The following ATXN1 variants were observed in gnomAD, a reference collection of about 807,000 sequenced individuals.
The protein encoded by ATXN1 is ataxin-1.
A neutral mutation model predicts 56.4 loss-of-function variants in ATXN1; 8 were observed. The ratio of observed to expected loss-of-function variants is 0.14; its 90% CI spans 0.08 to 0.26. ATXN1 has a LOEUF of 0.26. ATXN1 is among the 10% of genes least tolerant of loss of function. The pLI is 1.00. For synonymous variants in ATXN1, 514 were observed against 494.6 expected (o/e 1.04, Z -0.52); for missense variants, 987 against 1,106.5 (o/e 0.89, Z 1.53).
chr6:16,447,006 C>G (rs1759649851), intron 6 of ATXN1, among the ~76,000 whole-genome samples: 1 of 152,164 alleles, frequency 6.6e-6, no homozygotes, highest in South Asian at 2.1e-4. Flanking sequence ...TACAACTATT[C>G]CTAGACTCAC....
intron 7 of ATXN1, among the ~76,000 whole-genome samples, chr6:16,322,561 T>G (rs1215075275): frequency 6.6e-6 from 1 of 152,220 alleles, no homozygotes; most frequent in Non-Finnish European, 1.5e-5. Context: ...CTCAACAATT[T>G]GCACATTTCT....
At chr6:16,590,763 G>C (rs937251115) in intron 3 of ATXN1, among the ~76,000 whole-genome samples, 1 of 151,622 alleles carries the variant, frequency 6.6e-6, no homozygotes, top group Non-Finnish European at 1.5e-5. Context: ...TCAACCTCTC[G>C]GGCTCAGGTG....
intron 4 of ATXN1, among the ~76,000 whole-genome samples, chr6:16,532,680 C>T (rs1761527961): frequency 6.6e-6 from 1 of 152,084 alleles, no homozygotes; most frequent in Non-Finnish European, 1.5e-5. Flanking sequence ...ATTTCACTCA[C>T]ATTAAGATGG....
intron 6 of ATXN1, among the ~76,000 whole-genome samples, chr6:16,472,672 TG>T (rs1435547418): frequency 2.0e-5 from 3 of 152,210 alleles, no homozygotes; most frequent in Non-Finnish European, 4.4e-5. Flanking sequence ...ATGTCAAAAA[TG>T]CTTGCCATGG....
At chr6:16,654,379 A>C (rs1295408236) in intron 3 of ATXN1, among the ~76,000 whole-genome samples, 3 of 152,054 alleles carry the variant, frequency 2.0e-5, no homozygotes, top group Non-Finnish European at 4.4e-5. Flanking sequence ...CCCCATTTCT[A>C]CTAAAAATAG....
intron 3 of ATXN1, among the ~76,000 whole-genome samples, chr6:16,634,425 A>G (rs187139603): frequency 4.7e-4 from 72 of 152,334 alleles, no homozygotes; most frequent in Non-Finnish European, 7.6e-4. Context: ...TTTTAAAAAA[A>G]CAGCTTTATT....
At chr6:16,702,244 C>A (rs988058423) in intron 2 of ATXN1, among the ~76,000 whole-genome samples, 5 of 152,194 alleles carry the variant, frequency 3.3e-5, no homozygotes, top group Non-Finnish European at 7.4e-5. Flanking sequence ...AAAGGATTCC[C>A]TATTTAATAA....
intron 6 of ATXN1, among the ~76,000 whole-genome samples, chr6:16,432,059 T>C (rs542893767): frequency 1.6e-4 from 24 of 152,284 alleles, no homozygotes; most frequent in Non-Finnish European, 2.8e-4. Context: ...AAATACCAAA[T>C]GGTACTAATA....
At chr6:16,400,622 C>T (rs1472275224) in intron 6 of ATXN1, among the ~76,000 whole-genome samples, 2 of 152,250 alleles carry the variant, frequency 1.3e-5, no homozygotes, top group Non-Finnish European at 2.9e-5. Flanking sequence ...TGGCAACAAC[C>T]ACATTCCCCT....
At chr6:16,443,901 G>A (rs1021944658) in intron 6 of ATXN1, among the ~76,000 whole-genome samples, 1 of 152,122 alleles carries the variant, frequency 6.6e-6, no homozygotes, top group African/African-American at 2.4e-5. Flanking sequence ...CCGATCACAA[G>A]GTCAGGAGAT....
At chr6:16,600,298 A>G (rs1264336304) in intron 3 of ATXN1, among the ~76,000 whole-genome samples, 2 of 152,226 alleles carry the variant, frequency 1.3e-5, no homozygotes, top group East Asian at 3.8e-4. Context: ...AGCCAAAGGA[A>G]ATGATTTTGG....
At chr6:16,630,116 G>T (rs1374352375) in intron 3 of ATXN1, among the ~76,000 whole-genome samples, 1 of 152,088 alleles carries the variant, frequency 6.6e-6, no homozygotes, top group Non-Finnish European at 1.5e-5. Flanking sequence ...CACAAAGCTA[G>T]AATGGGTCTG....
chr6:16,326,889 G>A lies in ATXN1; in HGVS notation c.1422C>T (p.Tyr474=), dbSNP rs775232036. The A allele has an allele frequency of 2.5e-5, 41 of 1,612,398 alleles. No homozygotes were observed. The highest frequency in any genetic ancestry group is 1.0e-4 in the Admixed American group (6 of 59,992). The part of the protein sequence containing the change: ...YLSGQQQAIT[Y]AGSLPQHLVI... ...CCAGGTGCTGGGGCAGGCTGCCGGCGTAGGTGATTGCTTGCTGCTGGCCGC... is the reference window on the plus strand; with the variant it reads ...CCAGGTGCTGGGGCAGGCTGCCGGCATAGGTGATTGCTTGCTGCTGGCCGC... Residue 474 remains tyrosine (Y), a synonymous_variant, in exon 7 of 8, where the codon TAC becomes TAT. Coordinates refer to ENST00000436367, the MANE Select transcript of ATXN1 (RefSeq NM_001128164.2). The surrounding 1 kb of genome is among the most constrained non-coding windows in gnomAD (Gnocchi z 6.6).
intron 6 of ATXN1, among the ~76,000 whole-genome samples, chr6:16,376,313 A>G (rs1389881679): frequency 6.6e-6 from 1 of 152,200 alleles, no homozygotes; most frequent in Non-Finnish European, 1.5e-5. Context: ...TTTGGACTAA[A>G]TCCTTTCTTT....
At chr6:16,627,840 T>C (rs1235123971) in intron 3 of ATXN1, among the ~76,000 whole-genome samples, 2 of 151,384 alleles carry the variant, frequency 1.3e-5, no homozygotes, top group Non-Finnish European at 2.9e-5. Flanking sequence ...AAGGGGGAGG[T>C]CAACTTGTGA....
At chr6:16,684,852 G>GT (rs67153659) in intron 2 of ATXN1, among the ~76,000 whole-genome samples, 2,002 of 146,960 alleles carry the variant, frequency 0.014, 22 homozygotes, top group Middle Eastern at 0.059. Flanking sequence ...ATTAGGGCTG[G>GT]TTTTTTTTTT....
chr6:16,519,875 G>C (rs1328364965), intron 5 of ATXN1, among the ~76,000 whole-genome samples: 1 of 152,194 alleles, frequency 6.6e-6, no homozygotes, highest in Non-Finnish European at 1.5e-5. Flanking sequence ...AGCAAGAGTA[G>C]ATAGTAACCA....
At chr6:16,403,181 T>A (rs1393740350) in intron 6 of ATXN1, among the ~76,000 whole-genome samples, 1 of 152,182 alleles carries the variant, frequency 6.6e-6, no homozygotes, top group Non-Finnish European at 1.5e-5. Context: ...GAACCAGAAT[T>A]CTGCCACATC....
intron 2 of ATXN1, among the ~76,000 whole-genome samples, chr6:16,701,365 T>C (rs1239886329): frequency 6.6e-6 from 1 of 152,154 alleles, no homozygotes; most frequent in Non-Finnish European, 1.5e-5. Context: ...CACTTCTTCA[T>C]CTATAAACGG....
Sources: gnomAD v4.1 joint callset for allele counts (sites outside exome capture counted in the v4.1 genomes callset) on GRCh38, gnomAD v4.1.1 for gene constraint, Gnocchi (gnomAD v3.1) non-coding constraint, MANE v1.5 for transcripts, NCBI Gene and HGNC (gene_info 2026-07-23, HGNC 2026-07-21) for gene names.